The following ARHGAP6 variants were observed in gnomAD, a reference collection of about 807,000 sequenced individuals.
The protein encoded by ARHGAP6 is rho GTPase-activating protein 6.
In ARHGAP6, 16 loss-of-function variants were observed where a neutral mutation model predicts 55.7. That is an observed-to-expected ratio of 0.29 (90% CI 0.19 to 0.44). The LOEUF (loss-of-function observed/expected upper bound fraction) is 0.44, where lower values mean the gene tolerates loss of function less well. Among genes scored for constraint, ARHGAP6 ranks in the 20% least tolerant of loss-of-function variants. The probability of loss-of-function intolerance (pLI) is 1.00; values close to 1 mark genes in which losing one functional copy is unlikely to be tolerated. For synonymous variants in ARHGAP6, 382 were observed against 360.9 expected (o/e 1.06, Z -0.66); for missense variants, 698 against 808.9 (o/e 0.86, Z 1.66).
intron 1 of ARHGAP6, among the ~76,000 whole-genome samples, chrX:11,489,348 G>A (rs1226751591): frequency 9.0e-6 from 1 of 111,633 alleles, no homozygotes; most frequent in African/African-American, 3.3e-5. Flanking sequence ...AATAGCAGAA[G>A]GAAAAGAAGG....
chrX:11,324,905 G>A (rs932704757), intron 1 of ARHGAP6, among the ~76,000 whole-genome samples: 15 of 112,446 alleles, frequency 1.3e-4, no homozygotes, highest in Non-Finnish European at 2.1e-4. Context: ...AGGCCGGACT[G>A]CGGACTGCAG....
At chrX:11,308,824 C>A (rs1043712647) in intron 1 of ARHGAP6, among the ~76,000 whole-genome samples, 2 of 112,283 alleles carry the variant, frequency 1.8e-5, no homozygotes, top group South Asian at 3.7e-4. Flanking sequence ...CATTGATTTT[C>A]AAATACTGAG....
intron 10 of ARHGAP6, among the ~76,000 whole-genome samples, chrX:11,153,439 C>T (rs1328174871): frequency 1.0e-5 from 1 of 99,955 alleles, no homozygotes; most frequent in Non-Finnish European, 2.0e-5. Context: ...GCAGGAGAAT[C>T]GTTTGAACCC....
chrX:11,341,818 C>T (rs1478964022), intron 1 of ARHGAP6, among the ~76,000 whole-genome samples: 3 of 111,520 alleles, frequency 2.7e-5, no homozygotes, highest in Non-Finnish European at 3.8e-5. Context: ...CGTATATTCA[C>T]CCAACAGATG....
intron 1 of ARHGAP6, among the ~76,000 whole-genome samples, chrX:11,586,072 A>G (rs1366510527): frequency 9.0e-6 from 1 of 111,685 alleles, no homozygotes; most frequent in Non-Finnish European, 1.9e-5. Flanking sequence ...AACATTGGGG[A>G]TTAAAATTCA....
At chrX:11,160,682 C>G (rs947719738) in intron 9 of ARHGAP6, among the ~76,000 whole-genome samples, 1 of 111,658 alleles carries the variant, frequency 9.0e-6, no homozygotes, top group African/African-American at 3.3e-5. Flanking sequence ...TTTTGTCAAG[C>G]TAGTCTGCAA....
chrX:11,418,401 T>A (rs1285409501), intron 1 of ARHGAP6, among the ~76,000 whole-genome samples: 3 of 111,727 alleles, frequency 2.7e-5, no homozygotes, highest in Non-Finnish European at 5.6e-5. Context: ...GTTAGACCAT[T>A]TGTGTTGATG....
At chrX:11,252,288 C>T (rs1179212196) in intron 2 of ARHGAP6, among the ~76,000 whole-genome samples, 1 of 112,665 alleles carries the variant, frequency 8.9e-6, no homozygotes, top group Non-Finnish European at 1.9e-5. Flanking sequence ...TTTTCAAAGT[C>T]ATCATTCTCT....
Position 11,636,327 on chromosome X carries a change from A to C in ARHGAP6, c.588+27914T>G, listed in dbSNP as rs141557419. Among the ~76,000 whole-genome samples the C allele has an allele frequency of 5.9e-4, 66 of 112,231 alleles. No homozygotes were observed. The East Asian group carries it at 0.016, about 28-fold the overall frequency. ...TCAACAAGAGAATGCTTGTTCATTC[A>C]GATTATTTGTTCATTCATTGGGTGT... is the stretch of plus-strand genomic sequence containing the variant. On this transcript the variant is annotated intron_variant, in intron 1 of 12. Transcript: ENST00000337414.
At chrX:11,530,166 T>G (rs979534231) in intron 1 of ARHGAP6, among the ~76,000 whole-genome samples, 4 of 111,222 alleles carry the variant, frequency 3.6e-5, no homozygotes, top group African/African-American at 1.3e-4. Flanking sequence ...CAACATTCAT[T>G]CATCCATTCA....
intron 1 of ARHGAP6, among the ~76,000 whole-genome samples, chrX:11,427,288 G>A (rs970990609): frequency 6.2e-5 from 7 of 112,309 alleles, no homozygotes; most frequent in African/African-American, 2.3e-4. Context: ...GTCCAGCCCC[G>A]TCCCAGATGC....
intron 1 of ARHGAP6, among the ~76,000 whole-genome samples, chrX:11,501,465 G>T (rs2050677128): frequency 9.0e-6 from 1 of 111,466 alleles, no homozygotes. Context: ...ATACATTGTT[G>T]GTTAGAATAA....
intron 1 of ARHGAP6, among the ~76,000 whole-genome samples, chrX:11,371,233 A>T (rs2049140227): frequency 8.9e-6 from 1 of 112,020 alleles, no homozygotes; most frequent in Non-Finnish European, 1.9e-5. Flanking sequence ...ACAAGCACAC[A>T]GCTATTTATC....
At chrX:11,272,359 T>C (rs931733600) in intron 1 of ARHGAP6, among the ~76,000 whole-genome samples, 6 of 111,007 alleles carry the variant, frequency 5.4e-5, no homozygotes, top group Admixed American at 1.9e-4. Flanking sequence ...TTGAGAACCA[T>C]TGTAATGGCC....
chrX:11,534,891 T>A (rs759542154), intron 1 of ARHGAP6, among the ~76,000 whole-genome samples: 1 of 111,507 alleles, frequency 9.0e-6, no homozygotes, highest in Admixed American at 9.5e-5. Context: ...CACATCTCAA[T>A]GTGGACTCAG....
chrX:11,583,003 T>C (rs888852529), intron 1 of ARHGAP6, among the ~76,000 whole-genome samples: 1 of 112,082 alleles, frequency 8.9e-6, no homozygotes, highest in African/African-American at 3.2e-5. Flanking sequence ...ATGCACCAAA[T>C]ACATTTTAAG....
At chrX:11,622,968 A>G (rs2052247866) in intron 1 of ARHGAP6, among the ~76,000 whole-genome samples, 1 of 111,956 alleles carries the variant, frequency 8.9e-6, no homozygotes, top group East Asian at 2.8e-4. Context: ...TACCTTTACC[A>G]TTTGCTGATA....
Position 11,300,596 on chromosome X carries a change from AT to A in ARHGAP6, c.589-45890del, listed in dbSNP as rs762731577. On this transcript the variant is annotated intron_variant, in intron 1 of 12. Coordinates refer to ENST00000337414, the MANE Select transcript of ARHGAP6 (RefSeq NM_013427.3). ...AAATTATTTTAACTGTTCTTTTGCA[AT>A]TTTTTTCAGGATTAAAAGATCAGAA... 5.9e-6 allele frequency: 7 copies of A among 1,191,235 alleles called. No individual in the cohort carries two copies. The African/African-American group carries it at 7.0e-5, about 12-fold the overall frequency.
At chrX:11,298,413 T>A in intron 1 of ARHGAP6, 1 of 1,118,100 alleles carries the variant, frequency 8.9e-7, no homozygotes, top group South Asian at 1.8e-5. Context: ...CATATCTGTG[T>A]ACACAGTTAC....
Sources: allele counts gnomAD v4.1 joint callset (sites outside exome capture counted in the v4.1 genomes callset), GRCh38; gene constraint gnomAD v4.1.1; transcripts MANE v1.5; gene names NCBI Gene and HGNC (gene_info 2026-07-23, HGNC 2026-07-21).